DAPK1: variants seen among roughly 807,000 people sequenced by gnomAD.
DAPK1 encodes the protein death-associated protein kinase 1.
Under a neutral mutation model 144.9 loss-of-function variants are expected in DAPK1, and 56 were observed. That is an observed-to-expected ratio of 0.39 (90% CI 0.31 to 0.48). The LOEUF (loss-of-function observed/expected upper bound fraction) is 0.48. Ranked by LOEUF, DAPK1 falls within the 20% of genes least tolerant of loss-of-function variation. The pLI is 0.95. For synonymous variants in DAPK1, 690 were observed against 749.0 expected (o/e 0.92, Z 1.29); for missense variants, 1,454 against 1,875.4 (o/e 0.78, Z 4.15).
chr9:87,639,871 T>A (rs1830036769), intron 7 of DAPK1, 56 bp downstream of exon 7: 2 of 1,577,910 alleles, frequency 1.3e-6, no homozygotes, highest in Non-Finnish European at 8.7e-7. Flanking sequence ...ACCATAGGTT[T>A]AATTAACCAT....
At chr9:87,587,319 T>C (rs1827971009) in intron 2 of DAPK1, among the ~76,000 whole-genome samples, 1 of 152,232 alleles carries the variant, frequency 6.6e-6, no homozygotes, top group Admixed American at 6.5e-5. Flanking sequence ...TTAACCTTTG[T>C]TTTCTAACAT....
In DAPK1 at chr9:87,686,508, G is replaced by A. The variant is rs1162618145; in HGVS notation, c.2225-43G>A. 11 of 1,142,004 alleles carry A rather than the reference G, an allele frequency of 9.6e-6. No individual in the cohort carries two copies. Among genetic ancestry groups the A allele is most frequent in the Middle Eastern group, 2.8e-4 (1 of 3,596 alleles). The allele number at this position is 1,142,004 out of a possible 1,614,324, so 70.7% of individuals were successfully genotyped here. A position where few individuals can be genotyped will look rare whatever the true frequency, so the allele number is the denominator to read the frequency against. On this transcript the variant is annotated intron_variant, in intron 20 of 25. Transcript: ENST00000408954. The surrounding 1 kb of genome is among the most constrained non-coding windows in gnomAD (Gnocchi z 4.2). ...CAGCCTGGGAGGGAGACAGGCACAC[G>A]CTGCCCCCATCGAGTACTCATGTGA... is the stretch of plus-strand genomic sequence containing the variant.
chr9:87,650,251 C>G, intron 16 of DAPK1, 133 bp downstream of exon 16: 2 of 809,928 alleles, frequency 2.5e-6, no homozygotes, highest in Admixed American at 4.8e-5. Context: ...CGTCTCTTCT[C>G]TGTTCCAAAG....
intron 2 of DAPK1, among the ~76,000 whole-genome samples, chr9:87,594,389 G>C (rs1420437678): frequency 6.6e-6 from 1 of 152,214 alleles, no homozygotes. Context: ...GGTCCCTGCT[G>C]ACTCTGCACA....
intron 18 of DAPK1, 55 bp from the exon 19 acceptor site, chr9:87,668,542 A>T: frequency 1.1e-6 from 1 of 910,586 alleles, no homozygotes; most frequent in African/African-American, 1.6e-5. Flanking sequence ...GGCGTATGGA[A>T]CACACACAGC....
At position 87,649,938 on chromosome 9, in the gene DAPK1, G is replaced by A. The variant is rs1422191666; in HGVS notation, c.1446G>A (p.Leu482=). 6.2e-7 allele frequency: 1 copy of A among 1,614,160 alleles called. No homozygotes were observed. Among genetic ancestry groups the A allele is most frequent in the Non-Finnish European group, 8.5e-7 (1 of 1,180,034 alleles). Residue 482 remains leucine, a synonymous_variant, in exon 16 of 26, where the codon CTG becomes CTA. Transcript: ENST00000408954. ...TTGGCCAGGAAGAAGAAACCCCCCT[G>A]CACTGTGCTGCTTGGCACGGCTATT... ...NIQDKEEETP[L]HCAAWHGYYS...
chr9:87,668,669 C>A lies in DAPK1; in HGVS notation c.1996C>A (p.Arg666=). ...EHVAGLLARL[R]KDTHRGLFIQ... Reference sequence around the variant, plus strand: ...CGTAGCAGGTCTCCTTGCAAGACTTCGAAAGGTGAGAAGTTCTGTTATAGG... The same window carrying A: ...CGTAGCAGGTCTCCTTGCAAGACTTAGAAAGGTGAGAAGTTCTGTTATAGG... The change falls in exon 19 of 26, where the codon CGA becomes AGA. Residue 666 remains arginine, a synonymous_variant. Coordinates refer to ENST00000408954, the MANE Select transcript of DAPK1 (RefSeq NM_004938.4). 1 of 1,264,262 alleles carries A rather than the reference C, an allele frequency of 7.9e-7. No individual in the cohort carries two copies. The highest frequency in any genetic ancestry group is 1.2e-6 in the Non-Finnish European group (1 of 860,188). 78.3% of individuals were successfully genotyped at this position (1,264,262 alleles called of 1,614,324 possible). A position where few individuals can be genotyped will look rare whatever the true frequency, so the allele number is the denominator to read the frequency against.
chr9:87,554,625 G>A (rs11141878), intron 2 of DAPK1, among the ~76,000 whole-genome samples: 64,435 of 151,960 alleles, frequency 0.42, 14,167 homozygotes, highest in African/African-American at 0.55. Flanking sequence ...GGGCGCTCAT[G>A]TAGATCCCTC....
intron 2 of DAPK1, among the ~76,000 whole-genome samples, chr9:87,603,083 G>T (rs987550961): frequency 6.6e-6 from 1 of 152,126 alleles, no homozygotes; most frequent in African/African-American, 2.4e-5. Context: ...TGTCAGCTTG[G>T]TTGTTGGTTG....
At chr9:87,704,645 G>A (rs1825571262) in intron 25 of DAPK1, among the ~76,000 whole-genome samples, 1 of 152,202 alleles carries the variant, frequency 6.6e-6, no homozygotes, top group African/African-American at 2.4e-5. Context: ...TGAGCCTGAG[G>A]CGATGAGCAG....
chr9:87,543,300 AATT>A (rs1423755563), intron 2 of DAPK1, among the ~76,000 whole-genome samples: 9 of 152,190 alleles, frequency 5.9e-5, no homozygotes, highest in African/African-American at 2.2e-4. Context: ...ACAAAAACAA[AATT>A]ATAATAGCCT....
intron 2 of DAPK1, among the ~76,000 whole-genome samples, chr9:87,517,316 GTTT>G (rs1035536125): frequency 2.0e-5 from 3 of 151,986 alleles, no homozygotes; most frequent in Admixed American, 2.0e-4. Flanking sequence ...GGTGGACTGG[GTTT>G]ATAATCCATT....
intron 2 of DAPK1, among the ~76,000 whole-genome samples, chr9:87,508,874 C>G (rs1412518815): frequency 6.6e-6 from 1 of 152,030 alleles, no homozygotes; most frequent in Non-Finnish European, 1.5e-5. Flanking sequence ...TAAAGCAATG[C>G]AAGAAAAAAA....
At chr9:87,705,621 T>A (rs1247674860) in intron 25 of DAPK1, among the ~76,000 whole-genome samples, 1 of 152,184 alleles carries the variant, frequency 6.6e-6, no homozygotes, top group Non-Finnish European at 1.5e-5. Context: ...CATGATGACA[T>A]TTCTTCCCTA....
intron 2 of DAPK1, among the ~76,000 whole-genome samples, chr9:87,509,532 A>T (rs1390285461): frequency 6.6e-6 from 1 of 151,826 alleles, no homozygotes; most frequent in Non-Finnish European, 1.5e-5. Context: ...CGCTAATTTT[A>T]TATTTTTAGT....
At chr9:87,643,011 C>A (rs915195083) in intron 10 of DAPK1, among the ~76,000 whole-genome samples, 8 of 152,136 alleles carry the variant, frequency 5.3e-5, no homozygotes, top group Non-Finnish European at 1.0e-4. Context: ...GCAGTCTGTG[C>A]TTCTCTGAGG....
chr9:87,555,722 C>G (rs907969433), intron 2 of DAPK1, among the ~76,000 whole-genome samples: 2 of 152,170 alleles, frequency 1.3e-5, no homozygotes, highest in Admixed American at 1.3e-4. Flanking sequence ...AGGCTGGTCT[C>G]GAACTCCCGA....
intron 23 of DAPK1, 134 bp downstream of exon 23, chr9:87,698,928 C>T: frequency 1.7e-6 from 1 of 602,504 alleles, no homozygotes; most frequent in Non-Finnish European, 3.0e-6. Context: ...TCTTGGTCAA[C>T]TCTTTTCTTG....
intron 25 of DAPK1, among the ~76,000 whole-genome samples, chr9:87,705,353 C>T (rs1364194203): frequency 6.6e-6 from 1 of 150,920 alleles, no homozygotes; most frequent in Non-Finnish European, 1.5e-5. Flanking sequence ...GTGATTCTGC[C>T]TCAGCCTACA....
Sources: allele counts gnomAD v4.1 joint callset (sites outside exome capture counted in the v4.1 genomes callset), GRCh38; gene constraint gnomAD v4.1.1; non-coding constraint Gnocchi (gnomAD v3.1); transcripts MANE v1.5; gene names NCBI Gene and HGNC (gene_info 2026-07-23, HGNC 2026-07-21).